Variants in FRAS1 observed in about 807,000 individuals in gnomAD.
FRAS1 encodes the protein Fraser extracellular matrix complex subunit 1.
In FRAS1, 290 loss-of-function variants were observed where a neutral mutation model predicts 435.2. The ratio of observed to expected loss-of-function variants is 0.67; its 90% CI spans 0.61 to 0.73. The LOEUF is 0.73. FRAS1 is among the 30% of genes least tolerant of loss of function. The pLI, the probability that FRAS1 is intolerant of heterozygous loss-of-function variation, is 0.00. For missense variants in FRAS1, 4,860 were observed against 5,001.5 expected (o/e 0.97, Z 0.85); for synonymous variants, 1,800 against 1,851.0 (o/e 0.97, Z 0.71).
intron 9 of FRAS1, among the ~76,000 whole-genome samples, chr4:78,273,757 A>G (rs1578220545): frequency 1.3e-5 from 2 of 152,108 alleles, no homozygotes; most frequent in East Asian, 3.9e-4. Context: ...TTCCTCATGG[A>G]TATTGGTCTA....
At chr4:78,140,785 A>ATACGTGTATGTATATATG (rs1560546275) in intron 2 of FRAS1, among the ~76,000 whole-genome samples, 1 of 150,632 alleles carries the variant, frequency 6.6e-6, no homozygotes, top group Non-Finnish European at 1.5e-5. Context: ...GTGTATATAT[A>ATACGTGTATGTATATATG]TCTCATGTAT....
At chr4:78,393,281 A>G (rs1040396711) in intron 29 of FRAS1, among the ~76,000 whole-genome samples, 7 of 152,092 alleles carry the variant, frequency 4.6e-5, no homozygotes, top group African/African-American at 1.4e-4. Flanking sequence ...ATTGATAGTC[A>G]TAGGCACTAT....
chr4:78,267,409 T>C lies in FRAS1; in HGVS notation c.958T>C (p.Cys320Arg), dbSNP rs761365375. 1 of 1,613,684 alleles carries C rather than the reference T, an allele frequency of 6.2e-7. No homozygotes were observed. The highest frequency in any genetic ancestry group is 1.7e-5 in the Admixed American group (1 of 60,002). Residue 320 changes from cysteine to arginine, a missense_variant, in exon 9 of 74, where the codon TGT becomes CGT. By Grantham distance (180) the Cys-to-Arg change is radical (BLOSUM62 -3). Coordinates refer to ENST00000512123, the MANE Select transcript of FRAS1 (RefSeq NM_025074.7). ...HGQVTCQTGE[C>R]AKVECARDEE... ...CCAAGTGACCTGCCAGACTGGAGAG[T>C]GTGCCAAAGTGGAGTGTGCCCGGGT...
chr4:78,456,561 T>C (rs1044077237), intron 47 of FRAS1, among the ~76,000 whole-genome samples: 2 of 152,234 alleles, frequency 1.3e-5, no homozygotes, highest in Admixed American at 1.3e-4. Context: ...GTCATATCTT[T>C]TTTAAGCAGG....
At chr4:78,503,511 ATAG>A (rs1025705181) in intron 61 of FRAS1, among the ~76,000 whole-genome samples, 5 of 152,180 alleles carry the variant, frequency 3.3e-5, no homozygotes, top group African/African-American at 1.2e-4. Flanking sequence ...AGAGGTGTTT[ATAG>A]TATTCTCTGA....
intron 2 of FRAS1, among the ~76,000 whole-genome samples, chr4:78,164,541 G>GA (rs1326269421): frequency 2.6e-5 from 4 of 151,932 alleles, no homozygotes; most frequent in Admixed American, 1.3e-4. Context: ...CTTCTAAAGG[G>GA]AAAAAATCTT....
chr4:78,471,562 A>G (rs6828684), intron 51 of FRAS1, among the ~76,000 whole-genome samples: 4,986 of 152,242 alleles, frequency 0.033, 286 homozygotes, highest in African/African-American at 0.11. Flanking sequence ...TGCCAAATCC[A>G]GAGACCAATT....
At chr4:78,301,849 T>TTTG (rs1269272848) in intron 14 of FRAS1, among the ~76,000 whole-genome samples, 298 of 148,268 alleles carry the variant, frequency 2.0e-3, no homozygotes, top group African/African-American at 7.3e-3. Flanking sequence ...AGAAACAGTT[T>TTTG]TTTTTTTTTT....
chr4:78,437,263 C>T (rs1448251955), intron 38 of FRAS1, among the ~76,000 whole-genome samples: 1 of 152,194 alleles, frequency 6.6e-6, no homozygotes, highest in Non-Finnish European at 1.5e-5. Context: ...GCCAGGAGCT[C>T]TGTCCTTATA....
Position 78,534,532 on chromosome 4 carries a change from A to G in FRAS1, c.11009A>G (p.Asn3670Ser). ...CTTAACACTGAATTTCAGCTCTGCA[A>G]TAATGAGAAGGTGTTCCTAATGGAT... ...YSLNTEFQLC[N>S]NEKVFLMDPN... Residue 3670 changes from asparagine to serine, a missense_variant, in exon 71 of 74, where the codon AAT becomes AGT. Asn to Ser is a conservative substitution (Grantham distance 46, BLOSUM62 1). Transcript: ENST00000512123. 6.2e-7 allele frequency: 1 copy of G among 1,613,824 alleles called. No homozygotes were observed. The highest frequency in any genetic ancestry group is 8.5e-7 in the Non-Finnish European group (1 of 1,179,724).
intron 20 of FRAS1, among the ~76,000 whole-genome samples, chr4:78,356,126 A>G (rs1207401887): frequency 1.3e-5 from 2 of 152,164 alleles, no homozygotes; most frequent in Non-Finnish European, 2.9e-5. Context: ...AGATTGTATA[A>G]TTAATACATT....
intron 2 of FRAS1, among the ~76,000 whole-genome samples, chr4:78,140,995 C>T (rs1720158357): frequency 6.6e-6 from 1 of 152,078 alleles, no homozygotes; most frequent in Admixed American, 6.6e-5. Context: ...GAGATTCTTT[C>T]TGACTTTTTT....
At chr4:78,257,605 G>A (rs1725852665) in intron 6 of FRAS1, among the ~76,000 whole-genome samples, 1 of 152,148 alleles carries the variant, frequency 6.6e-6, no homozygotes, top group African/African-American at 2.4e-5. Context: ...AGTTTGGCAA[G>A]GGTGGACAAG....
Position 78,448,254 on chromosome 4 carries a change from C to T in FRAS1, c.6212C>T (p.Thr2071Ile). ...GACACAGGGAGGATGAAGATCTACA[C>T]AGAACTGCCTGCAAGTGACACACCT... is the stretch of plus-strand genomic sequence containing the variant. ...HVDTGRMKIY[T>I]ELPASDTPHL... The change falls in exon 44 of 74, where the codon ACA becomes ATA. Residue 2071 changes from threonine to isoleucine, a missense_variant. Physicochemically the swap from Thr to Ile is moderately conservative, Grantham distance 89. Transcript: ENST00000512123. The T allele has an allele frequency of 6.2e-7, 1 of 1,612,862 alleles. No individual in the cohort carries two copies. Among genetic ancestry groups the T allele is most frequent in the Non-Finnish European group, 8.5e-7 (1 of 1,179,688 alleles).
At chr4:78,221,859 A>G (rs1253965039) in intron 2 of FRAS1, among the ~76,000 whole-genome samples, 2 of 152,262 alleles carry the variant, frequency 1.3e-5, no homozygotes, top group African/African-American at 4.8e-5. Context: ...GCCAAAAATG[A>G]ATAAAGACTG....
At position 78,412,995 on chromosome 4, in the gene FRAS1, C is replaced by T. The variant is rs1340437315; in HGVS notation, c.4335C>T (p.Thr1445=). ...TGTCCAGTGCCTCCAATGCCCAGAC[C>T]CGCCTGGAGAGCCACATGTTCAACA... ...FEVSSASNAQ[T]RLESHMFNIA... is the part of the protein sequence containing the mutation. Residue 1445 remains threonine, a synonymous_variant, in exon 32 of 74, where the codon ACC becomes ACT. Transcript: ENST00000512123. The T allele has an allele frequency of 1.2e-6, 2 of 1,607,928 alleles. No individual in the cohort carries two copies. The highest frequency in any genetic ancestry group is 8.5e-7 in the Non-Finnish European group (1 of 1,177,454).
At chr4:78,165,550 G>A (rs973817076) in intron 2 of FRAS1, among the ~76,000 whole-genome samples, 2 of 152,120 alleles carry the variant, frequency 1.3e-5, no homozygotes, top group South Asian at 2.1e-4. Flanking sequence ...AGTAATTTTC[G>A]TGTAACCGAC....
chr4:78,169,897 A>G (rs1002944995), intron 2 of FRAS1, among the ~76,000 whole-genome samples: 3 of 152,136 alleles, frequency 2.0e-5, no homozygotes, highest in Non-Finnish European at 4.4e-5. Context: ...TATGCTCTTG[A>G]AAAAGTTAAT....
chr4:78,253,757 A>G (rs1014928309), intron 5 of FRAS1, among the ~76,000 whole-genome samples: 1 of 152,194 alleles, frequency 6.6e-6, no homozygotes, highest in Non-Finnish European at 1.5e-5. Context: ...TTTCTGATTT[A>G]CAGTTCTGCA....
Sources: allele counts gnomAD v4.1 joint callset (sites outside exome capture counted in the v4.1 genomes callset), GRCh38; gene constraint gnomAD v4.1.1; transcripts MANE v1.5; gene names NCBI Gene and HGNC (gene_info 2026-07-23, HGNC 2026-07-21).